The following ST8SIA1 variants were observed in gnomAD, a reference collection of about 807,000 sequenced individuals.
ST8SIA1 encodes the protein ST8 alpha-N-acetyl-neuraminide alpha-2,8-sialyltransferase 1, also known as alpha-N-acetylneuraminide alpha-2,8-sialyltransferase.
ST8SIA1 carries 16 observed loss-of-function variants against 35.9 expected under a neutral mutation model. The ratio of observed to expected loss-of-function variants is 0.45; its 90% CI spans 0.30 to 0.68. ST8SIA1 has a LOEUF of 0.68. ST8SIA1 is among the 30% of genes least tolerant of loss of function. ST8SIA1 has a pLI of 0.09. For synonymous variants in ST8SIA1, 170 were observed against 169.6 expected, an observed-to-expected ratio of 1.00 and a Z score of -0.02; for missense variants, 383 against 453.6, an observed-to-expected ratio of 0.84 and a Z score of 1.41.
chr12:22,241,593 C>A (rs955947779), intron 4 of ST8SIA1, among the ~76,000 whole-genome samples: 1 of 140,340 alleles, frequency 7.1e-6, no homozygotes, highest in Non-Finnish European at 1.5e-5. Context: ...TACCCAGACT[C>A]CGGTATTTTT....
chr12:22,304,110 C>T (rs1181566886), intron 1 of ST8SIA1, among the ~76,000 whole-genome samples: 2 of 152,100 alleles, frequency 1.3e-5, no homozygotes, highest in African/African-American at 4.8e-5. Flanking sequence ...AAATCAAGCC[C>T]TTTCTGGTTT....
intron 4 of ST8SIA1, among the ~76,000 whole-genome samples, chr12:22,244,286 C>T: frequency 6.6e-6 from 1 of 151,952 alleles, no homozygotes; most frequent in Non-Finnish European, 1.5e-5. Flanking sequence ...AAGTGTATAT[C>T]CATGTTACAC....
intron 1 of ST8SIA1, among the ~76,000 whole-genome samples, chr12:22,307,055 C>A (rs918100): frequency 6.6e-6 from 1 of 152,090 alleles, no homozygotes; most frequent in South Asian, 2.1e-4. Flanking sequence ...ATCATTTGTT[C>A]TGTATTCTTC....
At chr12:22,278,304 G>A (rs1865994825) in intron 2 of ST8SIA1, among the ~76,000 whole-genome samples, 2 of 152,180 alleles carry the variant, frequency 1.3e-5, no homozygotes, top group South Asian at 2.1e-4. Context: ...CTTGAGTCCA[G>A]AAATATCACT....
intron 1 of ST8SIA1, among the ~76,000 whole-genome samples, chr12:22,305,101 G>A (rs948965801): frequency 1.3e-5 from 2 of 152,112 alleles, no homozygotes; most frequent in African/African-American, 4.8e-5. Context: ...GAGGTCTTAG[G>A]AATCTATAAA....
chr12:22,199,939 G>A lies in ST8SIA1; in HGVS notation c.*1613C>T, dbSNP rs956490876. The A allele has an allele frequency of 2.0e-5, 3 of 152,144 alleles. No homozygotes were observed. The highest frequency in any genetic ancestry group is 2.0e-4 in the Admixed American group (3 of 15,268). 9.4% of individuals were successfully genotyped at this position (152,144 alleles called of 1,614,324 possible). A position where few individuals can be genotyped will look rare whatever the true frequency, so the allele number is the denominator to read the frequency against. On this transcript the variant is annotated 3_prime_UTR_variant, in exon 5 of 5. Coordinates refer to ENST00000396037, the MANE Select transcript of ST8SIA1 (RefSeq NM_003034.4). Reference sequence around the variant, plus strand: ...AGACATTCCAAAGTATGAAGACAACGAGAGGCTTCCCTTACCCTTCTCTGA... The same window carrying A: ...AGACATTCCAAAGTATGAAGACAACAAGAGGCTTCCCTTACCCTTCTCTGA...
chr12:22,217,402 CTTATATTT>C (rs1565569413), intron 4 of ST8SIA1, among the ~76,000 whole-genome samples: 1 of 152,052 alleles, frequency 6.6e-6, no homozygotes, highest in Non-Finnish European at 1.5e-5. Context: ...AAAGCAACAC[CTTATATTT>C]TAAAAATAGA....
chr12:22,240,615 T>C (rs949596166), intron 4 of ST8SIA1, among the ~76,000 whole-genome samples: 1 of 152,170 alleles, frequency 6.6e-6, no homozygotes, highest in Admixed American at 6.5e-5. Flanking sequence ...TTTGTGTACA[T>C]TGAGTTGTAC....
At chr12:22,299,723 TAGG>T (rs756083075) in intron 1 of ST8SIA1, among the ~76,000 whole-genome samples, 35 of 152,124 alleles carry the variant, frequency 2.3e-4, no homozygotes, top group Non-Finnish European at 3.7e-4. Context: ...TAACAAATTA[TAGG>T]AGATTTTAAT....
rs527924428 is a variant in ST8SIA1, at chr12:22,293,433, C to T, written c.237-6140G>A. 2.0e-4 allele frequency among the ~76,000 whole-genome samples: 31 copies of T among 152,320 alleles called. No individual in the cohort carries two copies. In the South Asian group the frequency reaches 6.4e-3, roughly 32 times the overall value. ...ATTGATTTTAACATTTGGCTTTCAG[C>T]CAAAATGTGTATCTAATGCATTTCC... On this transcript the variant is annotated intron_variant, in intron 1 of 4. Coordinates refer to ENST00000396037, the MANE Select transcript of ST8SIA1 (RefSeq NM_003034.4).
In ST8SIA1 at chr12:22,318,512, C is replaced by G. The variant is rs144545141; in HGVS notation, c.236+15485G>C. On this transcript the variant is annotated intron_variant, in intron 1 of 4. Transcript: ENST00000396037. The stretch of plus-strand genomic sequence containing the variant: ...CTAAAGCTAAGCCACTGGGATGAAT[C>G]AGAGATGTTAGGCAGAAAAAGGAAA... Among the ~76,000 whole-genome samples, 46 of 152,246 alleles carry G rather than the reference C, an allele frequency of 3.0e-4. 1 individual carries two copies. The East Asian group carries it at 7.2e-3, about 24-fold the overall frequency.
chr12:22,331,363 G>T (rs934196656), intron 1 of ST8SIA1, among the ~76,000 whole-genome samples: 2 of 152,212 alleles, frequency 1.3e-5, no homozygotes, highest in Admixed American at 6.5e-5. Context: ...AGTCACTCAT[G>T]AAATATTGTT....
chr12:22,264,021 C>A (rs1272168964), intron 2 of ST8SIA1, among the ~76,000 whole-genome samples: 1 of 152,066 alleles, frequency 6.6e-6, no homozygotes, highest in Non-Finnish European at 1.5e-5. Flanking sequence ...TGCATTCCGA[C>A]CCTTTTCTTT....
Position 22,287,284 on chromosome 12 carries a change from C to T in ST8SIA1, c.246G>A (p.Met82Ile). The change falls in exon 2 of 5, where the codon ATG becomes ATA. Residue 82 changes from methionine to isoleucine, a missense_variant. Physicochemically the swap from Met to Ile is conservative, Grantham distance 10. Coordinates refer to ENST00000396037, the MANE Select transcript of ST8SIA1 (RefSeq NM_003034.4). Reference sequence around the variant, plus strand: ...GATGGGCAGGGTCGCAGCAGTCTTCCATTTGTTTCCTAGGAGAGAAAACAG... The same window carrying T: ...GATGGGCAGGGTCGCAGCAGTCTTCTATTTGTTTCCTAGGAGAGAAAACAG... The part of the protein sequence containing the change: ...QTAARAFRKQ[M>I]EDCCDPAHLF... 1.2e-6 allele frequency: 2 copies of T among 1,611,808 alleles called. No homozygotes were observed. Among genetic ancestry groups the T allele is most frequent in the Non-Finnish European group, 1.7e-6 (2 of 1,179,200 alleles).
intron 4 of ST8SIA1, among the ~76,000 whole-genome samples, chr12:22,231,377 G>C (rs1340747336): frequency 2.0e-5 from 3 of 150,210 alleles, no homozygotes; most frequent in African/African-American, 7.3e-5. Flanking sequence ...ATTAGAATAA[G>C]CTTTTTTTTT....
At chr12:22,289,820 A>G (rs754229434) in intron 1 of ST8SIA1, among the ~76,000 whole-genome samples, 2 of 152,210 alleles carry the variant, frequency 1.3e-5, no homozygotes, top group Non-Finnish European at 2.9e-5. Context: ...GCAACTTGCA[A>G]ATCGCTTTCA....
intron 1 of ST8SIA1, among the ~76,000 whole-genome samples, chr12:22,310,506 T>C (rs1236084181): frequency 2.0e-5 from 3 of 152,116 alleles, no homozygotes; most frequent in African/African-American, 7.2e-5. Context: ...AGTAACTCGA[T>C]TGCCTAGAGA....
intron 4 of ST8SIA1, among the ~76,000 whole-genome samples, chr12:22,204,274 T>G (rs893248525): frequency 2.0e-5 from 3 of 152,194 alleles, no homozygotes; most frequent in African/African-American, 7.2e-5. Context: ...CTAAGGTATA[T>G]TTTACAAATA....
intron 1 of ST8SIA1, among the ~76,000 whole-genome samples, chr12:22,318,416 C>T (rs1004771488): frequency 6.6e-6 from 1 of 152,192 alleles, no homozygotes; most frequent in South Asian, 2.1e-4. Context: ...TAGGCTTCCA[C>T]CTCTTACAGA....
Sources: allele counts gnomAD v4.1 joint callset (sites outside exome capture counted in the v4.1 genomes callset), GRCh38; gene constraint gnomAD v4.1.1; transcripts MANE v1.5; gene names NCBI Gene and HGNC (gene_info 2026-07-23, HGNC 2026-07-21).